L3MBTL1: variants seen among roughly 807,000 people sequenced by gnomAD.
L3MBTL1 encodes the protein L3MBTL histone methyl-lysine binding protein 1, also known as lethal(3)malignant brain tumor-like protein 1.
L3MBTL1 carries 75 observed loss-of-function variants against 105.3 expected under a neutral mutation model. The ratio of observed to expected loss-of-function variants is 0.71; its 90% confidence interval spans 0.59 to 0.86. The LOEUF is 0.86. Among genes scored for constraint, L3MBTL1 ranks in the 40% least tolerant of loss-of-function variants. The probability of loss-of-function intolerance (pLI) is 0.00; values close to 1 mark genes in which losing one functional copy is unlikely to be tolerated. For synonymous variants in L3MBTL1, 452 were observed against 436.2 expected, an observed-to-expected ratio of 1.04 and a Z score of -0.45; for missense variants, 1,069 against 1,126.4, an observed-to-expected ratio of 0.95 and a Z score of 0.73.
chr20:43,532,048 A>G (rs988264236), intron 11 of L3MBTL1: 9 of 152,140 alleles, frequency 5.9e-5, no homozygotes, highest in African/African-American at 2.2e-4. Flanking sequence ...AAGAAAAAAA[A>G]CCATATTGAA....
rs888078814 is a variant in L3MBTL1, at chr20:43,540,798, C to T, written c.2377C>T (p.Arg793Cys). 5.6e-6 allele frequency: 9 copies of T among 1,614,056 alleles called. No individual in the cohort carries two copies. Among genetic ancestry groups the T allele is most frequent in the African/African-American group, 4.0e-5 (3 of 74,924 alleles). Residue 793 changes from arginine to cysteine, a missense_variant, in exon 21 of 22, where the codon CGC (arginine) becomes TGC (cysteine). By Grantham distance (180) the Arg-to-Cys change is radical. Transcript: ENST00000418998. ...CCTGACAGGTTGTGAGGACCAAGCA[C>T]GCCTCTTCAAAGACGAGGTAAGGTG... ...QTLTGCEDQA[R>C]LFKDEARIVR...
At chr20:43,548,732 G>A (rs1978794068) in exon 19 of L3MBTL1, 1 of 152,370 alleles carries the variant, frequency 6.6e-6, no homozygotes, top group South Asian at 2.1e-4. Flanking sequence ...CTCTCTTTCT[G>A]TCTGCTGGTT....
At chr20:43,513,670 G>T (rs1343222500) in intron 2 of L3MBTL1, 31 bp downstream of exon 2, 1 of 1,550,552 alleles carries the variant, frequency 6.4e-7, no homozygotes, top group Admixed American at 2.0e-5. Context: ...AGTCTGGGAA[G>T]GAAGAGCATC....
In L3MBTL1 at chr20:43,530,910, G is replaced by A. The variant is rs1238590796; in HGVS notation, c.1284+21G>A. 15 of 1,591,388 alleles carry A rather than the reference G, an allele frequency of 9.4e-6. No individual in the cohort carries two copies. In the South Asian group the frequency reaches 1.6e-4, roughly 17 times the overall value. The stretch of plus-strand genomic sequence containing the variant: ...GCCACGTGAGTGCCCCTGAGTGAGA[G>A]TGGATGTCACTCCCATGTGCCAGAG... On this transcript the variant is annotated intron_variant, in intron 11 of 21. Transcript: ENST00000418998.
At position 43,541,392 on chromosome 20, in the gene L3MBTL1, C is replaced by A. The variant is rs1276631346; in HGVS notation, c.*264C>A. On this transcript the variant is annotated 3_prime_UTR_variant, in exon 22 of 22. Coordinates refer to ENST00000418998, the MANE Select transcript of L3MBTL1 (RefSeq NM_001377303.1). Reference sequence around the variant, plus strand: ...GGAGATAAAATGGGTTTAATGAGGTCTACCTTGCAGAGCCATTGTGAGCAT... The same window carrying A: ...GGAGATAAAATGGGTTTAATGAGGTATACCTTGCAGAGCCATTGTGAGCAT... The A allele has an allele frequency of 4.1e-6, 2 of 493,602 alleles. No individual in the cohort carries two copies. Among genetic ancestry groups the A allele is most frequent in the African/African-American group, 1.9e-5 (1 of 51,454 alleles). 30.6% of individuals were successfully genotyped at this position (493,602 alleles called of 1,614,324 possible).
intron 7 of L3MBTL1, among the ~76,000 whole-genome samples, chr20:43,518,851 CAAAAAAAAAAAAAAAAA>C (rs34529936): frequency 3.0e-5 from 1 of 33,300 alleles, no homozygotes; most frequent in Non-Finnish European, 4.5e-5. Context: ...ACTAAAAATA[CAAAAAAAAAAAAAAAAA>C]AAAAAAAAAA....
In L3MBTL1 at chr20:43,510,350, A is replaced by G. The variant is rs1221564782; in HGVS notation, c.-29+2606A>G. Among the ~76,000 whole-genome samples the G allele has an allele frequency of 2.0e-5, 3 of 152,076 alleles. No homozygotes were observed. In the East Asian group the frequency reaches 5.8e-4, roughly 30 times the overall value. On this transcript the variant is annotated intron_variant, in intron 1 of 21. Coordinates refer to ENST00000418998, the MANE Select transcript of L3MBTL1 (RefSeq NM_001377303.1). ...ACAAGTACTTCAGCTGTGCAAAGCA[A>G]ATTGGAATTGAAATTCAGGGAATTA... is the stretch of plus-strand genomic sequence containing the variant.
chr20:43,544,289 T>C (rs981269758), downstream of L3MBTL1, among the ~76,000 whole-genome samples: 3 of 152,210 alleles, frequency 2.0e-5, no homozygotes, highest in African/African-American at 7.2e-5. Flanking sequence ...CATGTGTGGC[T>C]CTCTCAAGAT....
rs902428628 is a variant in L3MBTL1 at position 43,547,092 on chromosome 20, T to C, written c.2125-1019T>C. On this transcript the variant is annotated intron_variant, in intron 18 of 18. Transcript: ENST00000422861. ...GAGCCCCTCCCATCCTTTTTTTCCT[T>C]TTTTAATGACTTTTTTTTTTTTTTT... Among the ~76,000 whole-genome samples, 10 of 151,320 alleles carry C rather than the reference T, an allele frequency of 6.6e-5. 1 individual carries two copies. Among genetic ancestry groups the C allele is most frequent in the African/African-American group, 2.4e-4 (10 of 41,164 alleles).
At chr20:43,511,206 C>G (rs2018127094) in intron 1 of L3MBTL1, among the ~76,000 whole-genome samples, 1 of 152,204 alleles carries the variant, frequency 6.6e-6, no homozygotes, top group Non-Finnish European at 1.5e-5. Flanking sequence ...GCACATGGCA[C>G]CAAGCCGGCC....
chr20:43,513,649 G>A lies in L3MBTL1; in HGVS notation c.136+10G>A, dbSNP rs1432860256. ...GCCTTCATCATTCCAGGTGAGTCAAGCTAGGGTAGGAGTCTGGGAAGGAAG... is the reference window on the plus strand; with the variant it reads ...GCCTTCATCATTCCAGGTGAGTCAAACTAGGGTAGGAGTCTGGGAAGGAAG... On this transcript the variant is annotated intron_variant, in intron 2 of 21. Coordinates refer to ENST00000418998, the MANE Select transcript of L3MBTL1 (RefSeq NM_001377303.1). 4 of 1,550,634 alleles carry A rather than the reference G, an allele frequency of 2.6e-6. No individual in the cohort carries two copies. The South Asian group carries it at 4.8e-5, about 18-fold the overall frequency.
chr20:43,529,062 T>G, intron 8 of L3MBTL1: 1 of 606,622 alleles, frequency 1.6e-6, no homozygotes, highest in Non-Finnish European at 2.9e-6. Flanking sequence ...AGTCCAGCCC[T>G]GACTCACCCA....
At chr20:43,518,820 A>G (rs2018541410) in intron 7 of L3MBTL1, among the ~76,000 whole-genome samples, 2 of 141,882 alleles carry the variant, frequency 1.4e-5, no homozygotes, top group Non-Finnish European at 3.0e-5. Flanking sequence ...ACCCTGGCCA[A>G]CATGGTGAAA....
intron 7 of L3MBTL1, among the ~76,000 whole-genome samples, chr20:43,528,022 AGCT>A (rs2019121397): frequency 6.6e-6 from 1 of 152,118 alleles, no homozygotes; most frequent in Admixed American, 6.6e-5. Flanking sequence ...CCTCCCGAGT[AGCT>A]GGGATTACAG....
chr20:43,540,460 C>T, intron 20 of L3MBTL1, 152 bp downstream of exon 20: 3 of 900,174 alleles, frequency 3.3e-6, no homozygotes, highest in Non-Finnish European at 3.3e-6. Context: ...TTCTAGCTGC[C>T]CAGTAGGGGC....
At position 43,533,994 on chromosome 20, in the gene L3MBTL1, A is replaced by T. The variant is rs1600946527; in HGVS notation, c.1514-14A>T. On this transcript the variant is annotated splice_polypyrimidine_tract_variant and intron_variant, in intron 13 of 21. Coordinates refer to ENST00000418998, the MANE Select transcript of L3MBTL1 (RefSeq NM_001377303.1). ...ACCTGGGTGGCTAGACATTGCTCTCATCCTCTCCTCCAGACTACCCAGACC... is the reference window on the plus strand; with the variant it reads ...ACCTGGGTGGCTAGACATTGCTCTCTTCCTCTCCTCCAGACTACCCAGACC... 1 of 1,606,218 alleles carries T rather than the reference A, an allele frequency of 6.2e-7. No individual in the cohort carries two copies. Among genetic ancestry groups the T allele is most frequent in the South Asian group, 1.1e-5 (1 of 90,918 alleles).
chr20:43,513,258 C>T (rs2018186535), intron 1 of L3MBTL1, among the ~76,000 whole-genome samples: 2 of 152,212 alleles, frequency 1.3e-5, no homozygotes, highest in African/African-American at 2.4e-5. Flanking sequence ...ACCATCCTTA[C>T]AGAGACTGGG....
chr20:43,550,795 A>G (rs147667319), exon 19 of L3MBTL1: 12 of 152,314 alleles, frequency 7.9e-5, no homozygotes, highest in Admixed American at 2.6e-4. Context: ...ACATTTTTGT[A>G]CTTGCCTCTT....
In L3MBTL1 at chr20:43,534,754, G is replaced by T. The variant is rs1182187056; in HGVS notation, c.1711-74G>T. Reference sequence around the variant, plus strand: ...GATCTTGCTTCTGACAGGTCCCAGGGATGGGGAGAGGACCTTCTGGCTGAG... The same window carrying T: ...GATCTTGCTTCTGACAGGTCCCAGGTATGGGGAGAGGACCTTCTGGCTGAG... On this transcript the variant is annotated intron_variant, in intron 15 of 21. Transcript: ENST00000418998. The T allele has an allele frequency of 2.9e-6, 3 of 1,044,336 alleles. No individual in the cohort carries two copies. In the South Asian group the frequency reaches 4.1e-5, roughly 14 times the overall value. 64.7% of individuals were successfully genotyped at this position (1,044,336 alleles called of 1,614,324 possible).
Sources: gnomAD v4.1 joint callset for allele counts (sites outside exome capture counted in the v4.1 genomes callset) on GRCh38, gnomAD v4.1.1 for gene constraint, MANE v1.5 for transcripts, NCBI Gene and HGNC (gene_info 2026-07-23, HGNC 2026-07-21) for gene names.